Variants in HYLS1 observed in about 807,000 individuals in gnomAD.
The protein encoded by HYLS1 is HYLS1 centriolar and ciliogenesis associated.
In HYLS1, 25 loss-of-function variants were observed where a neutral mutation model predicts 29.4. The observed-to-expected ratio is 0.85, with a 90% CI of 0.62 to 1.19. HYLS1 has a LOEUF of 1.19. Ranked by LOEUF, HYLS1 falls within the 50% of genes most tolerant of loss-of-function variation. HYLS1 has a pLI of 0.00. For missense variants in HYLS1, 352 were observed against 365.1 expected, an observed-to-expected ratio of 0.96 and a Z score of 0.29; for synonymous variants, 128 against 126.7, an observed-to-expected ratio of 1.01 and a Z score of -0.07.
At position 125,895,725 on chromosome 11, in the gene HYLS1, TTTACA is replaced by T. The variant is rs758320488; in HGVS notation, c.-25-3615_-25-3611del. On this transcript the variant is annotated intron_variant, in intron 2 of 2. Coordinates refer to ENST00000425380, the MANE Select transcript of HYLS1 (RefSeq NM_001134793.2). ...TTCAGCAGCAGCATTAGCCTCCTCT[TTTACA>T]TTAAAGTCCTCGGAATCCCTGCCCC... 18 of 1,613,136 alleles carry T rather than the reference TTTACA, an allele frequency of 1.1e-5. No homozygotes were observed. Among genetic ancestry groups the T allele is most frequent in the Admixed American group, 1.7e-5 (1 of 59,956 alleles).
At chr11:125,885,112 T>C (rs968542902), upstream of HYLS1, among the ~76,000 whole-genome samples, 1 of 152,248 alleles carries the variant, frequency 6.6e-6, no homozygotes, top group Non-Finnish European at 1.5e-5. Context: ...CAAGCTGCTA[T>C]GTATTAAACG....
chr11:125,890,379 AGTTT>A (rs1300070770), intron 1 of HYLS1, among the ~76,000 whole-genome samples: 1 of 152,110 alleles, frequency 6.6e-6, no homozygotes, highest in African/African-American at 2.4e-5. Context: ...TATTTCTCCC[AGTTT>A]GTTGTCTCTT....
intron 2 of HYLS1, among the ~76,000 whole-genome samples, chr11:125,892,793 C>T (rs1392319710): frequency 6.6e-6 from 1 of 152,180 alleles, no homozygotes; most frequent in Non-Finnish European, 1.5e-5. Context: ...AATATTTTTG[C>T]CACACAATTC....
chr11:125,900,019 T>A lies in HYLS1; in HGVS notation c.651T>A (p.Phe217Leu), dbSNP rs1179210038. 6.2e-7 allele frequency: 1 copy of A among 1,614,202 alleles called. No individual in the cohort carries two copies. The highest frequency in any genetic ancestry group is 8.5e-7 in the Non-Finnish European group (1 of 1,180,036). ...RGKTDRVARY[F>L]EYKRDWDSIR... ...AGACAGACCGGGTAGCCCGGTATTTTGAGTACAAACGGGACTGGGACTCAA... is the reference window on the plus strand; with the variant it reads ...AGACAGACCGGGTAGCCCGGTATTTAGAGTACAAACGGGACTGGGACTCAA... The change falls in exon 3 of 3, where the codon TTT (phenylalanine) becomes TTA (leucine). Residue 217 changes from phenylalanine (F) to leucine (L), a missense_variant. Physicochemically the swap from Phe to Leu is conservative, Grantham distance 22. Transcript: ENST00000425380.
intron 2 of HYLS1, among the ~76,000 whole-genome samples, chr11:125,896,922 A>G (rs1017796393): frequency 6.6e-6 from 1 of 152,190 alleles, no homozygotes; most frequent in Non-Finnish European, 1.5e-5. Context: ...ACTTTAAGCA[A>G]TTTTGATGGG....
chr11:125,896,031 G>C (rs138948231), intron 2 of HYLS1: 2 of 1,614,044 alleles, frequency 1.2e-6, no homozygotes, highest in African/African-American at 2.7e-5. Context: ...GGTATTATTT[G>C]TGTTTTCCTG....
At chr11:125,895,816 T>A (rs1944566349) in intron 2 of HYLS1, 1 of 1,581,482 alleles carries the variant, frequency 6.3e-7, no homozygotes, top group African/African-American at 1.3e-5. Context: ...AGATACTGGG[T>A]TTTAGAGACA....
At position 125,900,322 on chromosome 11, in the gene HYLS1, C is replaced by T; in HGVS notation, c.*54C>T. ...TTTGAGATAACCTAGCTCTTTATAT[C>T]TTCCCTTTTAAATAGAAACAACTGT... On this transcript the variant is annotated 3_prime_UTR_variant, in exon 3 of 3. Transcript: ENST00000425380. 6.5e-7 allele frequency: 1 copy of T among 1,534,704 alleles called. No individual in the cohort carries two copies. Among genetic ancestry groups the T allele is most frequent in the Non-Finnish European group, 9.0e-7 (1 of 1,109,498 alleles).
chr11:125,884,450 A>G (rs934441224), upstream of HYLS1, among the ~76,000 whole-genome samples: 1 of 148,086 alleles, frequency 6.8e-6, no homozygotes, highest in Non-Finnish European at 1.5e-5. Context: ...TCTACTAAAA[A>G]TACAAAAAAT....
At chr11:125,894,336 C>T (rs1197825018) in intron 2 of HYLS1, 1 of 1,472,976 alleles carries the variant, frequency 6.8e-7, no homozygotes, top group Admixed American at 2.0e-5. Flanking sequence ...ATCCATCTAA[C>T]AGTTCTTTAA....
intron 2 of HYLS1, chr11:125,898,974 G>C (rs1944675068): frequency 6.0e-6 from 1 of 167,808 alleles, no homozygotes; most frequent in Admixed American, 5.7e-5. Context: ...TAAATGTAAA[G>C]CACATAGAAC....
intron 2 of HYLS1, chr11:125,894,217 C>T: frequency 6.2e-7 from 1 of 1,613,730 alleles, no homozygotes; most frequent in Non-Finnish European, 8.5e-7. Flanking sequence ...CCTGAGCCTC[C>T]TGGTCATAGA....
chr11:125,900,051 TAC>T lies in HYLS1; in HGVS notation c.684_685del (p.Leu228PhefsTer3). ...AAACGGGACTGGGACTCAATACGTTTACCTGGTGAAGATCATAGAAAGGAATT... is the reference window on the plus strand; with the variant it reads ...AAACGGGACTGGGACTCAATACGTTTCTGGTGAAGATCATAGAAAGGAATT... On this transcript the variant is annotated frameshift_variant, in exon 3 of 3. Transcript: ENST00000425380. LOFTEE classifies it high-confidence loss of function. 1.2e-6 allele frequency: 2 copies of T among 1,614,210 alleles called. No individual in the cohort carries two copies. Among genetic ancestry groups the T allele is most frequent in the Non-Finnish European group, 1.7e-6 (2 of 1,180,046 alleles).
At chr11:125,890,401 C>A (rs1351092988) in intron 1 of HYLS1, among the ~76,000 whole-genome samples, 2 of 152,124 alleles carry the variant, frequency 1.3e-5, no homozygotes, top group Non-Finnish European at 1.5e-5. Flanking sequence ...CTTTTGCCTT[C>A]ATTATGGTAT....
At chr11:125,892,528 C>T (rs1944439836) in intron 2 of HYLS1, among the ~76,000 whole-genome samples, 1 of 152,156 alleles carries the variant, frequency 6.6e-6, no homozygotes, top group Admixed American at 6.5e-5. Flanking sequence ...GTACTACCAG[C>T]CACTCATTTT....
At chr11:125,899,061 T>C (rs890513152) in intron 2 of HYLS1, 25 of 335,156 alleles carry the variant, frequency 7.5e-5, no homozygotes, top group Non-Finnish European at 1.2e-4. Context: ...TATCATGTAG[T>C]TTCAAGCTTT....
At chr11:125,884,190 T>C (rs1174650996), upstream of HYLS1, among the ~76,000 whole-genome samples, 1 of 152,148 alleles carries the variant, frequency 6.6e-6, no homozygotes. Flanking sequence ...ATTTGACATA[T>C]CATGTGGATT....
At chr11:125,898,552 G>A (rs1944661236) in intron 2 of HYLS1, among the ~76,000 whole-genome samples, 1 of 152,088 alleles carries the variant, frequency 6.6e-6, no homozygotes, top group Non-Finnish European at 1.5e-5. Flanking sequence ...GCCCACACCT[G>A]TAGTAGTCCA....
intron 2 of HYLS1, chr11:125,896,200 T>A (rs765828169): frequency 6.2e-7 from 1 of 1,614,202 alleles, no homozygotes; most frequent in East Asian, 2.2e-5. Flanking sequence ...TGTTCCTTTT[T>A]AAGTCTTTGC....
Sources: allele counts gnomAD v4.1 joint callset (sites outside exome capture counted in the v4.1 genomes callset), GRCh38; gene constraint gnomAD v4.1.1; transcripts MANE v1.5; gene names NCBI Gene and HGNC (gene_info 2026-07-23, HGNC 2026-07-21).